Variants in CDS1 observed in about 807,000 individuals in gnomAD.
CDS1 encodes phosphatidate cytidylyltransferase 1.
A neutral mutation model predicts 62.1 loss-of-function variants in CDS1; 41 were observed. That is an observed-to-expected ratio of 0.66 (90% CI 0.51 to 0.86). The LOEUF is 0.86. Among genes scored for constraint, CDS1 ranks in the 40% least tolerant of loss-of-function variants. The pLI is 0.00. For synonymous variants in CDS1, 185 were observed against 192.6 expected, an observed-to-expected ratio of 0.96 and a Z score of 0.32; for missense variants, 470 against 550.1, an observed-to-expected ratio of 0.85 and a Z score of 1.46.
chr4:84,612,662 C>T (rs1299989111), intron 3 of CDS1, among the ~76,000 whole-genome samples: 3 of 151,936 alleles, frequency 2.0e-5, no homozygotes, highest in East Asian at 1.9e-4. Flanking sequence ...TTATTTGCTT[C>T]AATTGGTGAG....
chr4:84,630,625 C>G (rs957988557), intron 5 of CDS1, among the ~76,000 whole-genome samples: 2 of 152,064 alleles, frequency 1.3e-5, no homozygotes, highest in African/African-American at 2.4e-5. Flanking sequence ...CAATTTCTCT[C>G]TTGGAGAACT....
intron 1 of CDS1, among the ~76,000 whole-genome samples, chr4:84,593,520 G>A (rs188289855): frequency 6.7e-6 from 1 of 148,680 alleles, no homozygotes; most frequent in Admixed American, 6.7e-5. Context: ...TTTTTTTCTC[G>A]TTTAGATAGA....
At chr4:84,644,816 C>T (rs1197865111) in intron 11 of CDS1, among the ~76,000 whole-genome samples, 1 of 152,048 alleles carries the variant, frequency 6.6e-6, no homozygotes, top group African/African-American at 2.4e-5. Context: ...TTAGGATAAA[C>T]AAGTTAGAAC....
At chr4:84,594,114 A>G (rs1161975727) in intron 1 of CDS1, among the ~76,000 whole-genome samples, 1 of 152,108 alleles carries the variant, frequency 6.6e-6, no homozygotes, top group East Asian at 1.9e-4. Flanking sequence ...TAGGGGAGTG[A>G]AAACCCTTCT....
At chr4:84,585,845 G>T (rs1722400236) in intron 1 of CDS1, among the ~76,000 whole-genome samples, 1 of 152,136 alleles carries the variant, frequency 6.6e-6, no homozygotes, top group African/African-American at 2.4e-5. Flanking sequence ...AATGACAAGG[G>T]ACATCTTCAA....
chr4:84,619,604 T>G, intron 5 of CDS1, 71 bp downstream of exon 5: 1 of 942,936 alleles, frequency 1.1e-6, no homozygotes. Flanking sequence ...TTTCTGTTAT[T>G]TTAATTAGTA....
At chr4:84,614,454 T>G (rs971019199) in intron 3 of CDS1, among the ~76,000 whole-genome samples, 2 of 150,212 alleles carry the variant, frequency 1.3e-5, no homozygotes, top group East Asian at 3.9e-4. Flanking sequence ...GGTTATGTTC[T>G]TTTTTTTATT....
chr4:84,592,183 A>C (rs1233814801), intron 1 of CDS1, among the ~76,000 whole-genome samples: 6 of 15,916 alleles, frequency 3.8e-4, no homozygotes, highest in Admixed American at 8.2e-4. Context: ...TTTTTTTTTG[A>C]GGCAGAGTCT....
intron 1 of CDS1, among the ~76,000 whole-genome samples, chr4:84,586,796 A>C (rs1722436670): frequency 6.6e-6 from 1 of 152,184 alleles, no homozygotes; most frequent in African/African-American, 2.4e-5. Flanking sequence ...GGAAATTGAG[A>C]GGTGAAATGT....
intron 1 of CDS1, among the ~76,000 whole-genome samples, chr4:84,597,365 C>T (rs1193309255): frequency 6.6e-6 from 1 of 152,156 alleles, no homozygotes; most frequent in Non-Finnish European, 1.5e-5. Context: ...GTTGTGGGAG[C>T]AGTGGCTCAC....
At chr4:84,630,975 T>C (rs1724001601) in intron 5 of CDS1, among the ~76,000 whole-genome samples, 1 of 152,214 alleles carries the variant, frequency 6.6e-6, no homozygotes, top group Non-Finnish European at 1.5e-5. Flanking sequence ...ATTATTTTAG[T>C]ATATGATTAC....
Position 84,645,091 on chromosome 4 carries a change from A to G in CDS1, c.1153-131A>G, listed in dbSNP as rs532803645. ...GCTGGATGTGTTCTAATAAGTTTTT[A>G]TTTAGTGAAAAAAATCCAATAGTAA... On this transcript the variant is annotated intron_variant, in intron 11 of 12. Coordinates refer to ENST00000295887, the MANE Select transcript of CDS1 (RefSeq NM_001263.4). 4 of 654,750 alleles carry G rather than the reference A, an allele frequency of 6.1e-6. No homozygotes were observed. In the South Asian group the frequency reaches 7.1e-5, roughly 12 times the overall value. The allele number at this position is 654,750 out of a possible 1,614,324, so 40.6% of individuals were successfully genotyped here.
chr4:84,619,558 G>T, intron 5 of CDS1, 25 bp downstream of exon 5: 2 of 1,324,886 alleles, frequency 1.5e-6, no homozygotes, highest in South Asian at 1.6e-5. Context: ...ATTCTGTATT[G>T]ATATATAGTT....
chr4:84,621,698 A>G (rs1723692731), intron 5 of CDS1, among the ~76,000 whole-genome samples: 1 of 152,152 alleles, frequency 6.6e-6, no homozygotes. Context: ...AAGTGCTGGG[A>G]TTACAGGCAC....
rs746334891 is a variant in CDS1 at position 84,623,727 on chromosome 4, T to C, written c.580+4194T>C. ...AACAATTTGTTATTTTTGCTCACAGTCCTGCGGATTGGCGGGCTTAACTTA... is the reference window on the plus strand; with the variant it reads ...AACAATTTGTTATTTTTGCTCACAGCCCTGCGGATTGGCGGGCTTAACTTA... On this transcript the variant is annotated intron_variant, in intron 5 of 12. Coordinates refer to ENST00000295887, the MANE Select transcript of CDS1 (RefSeq NM_001263.4). Among the ~76,000 whole-genome samples the C allele has an allele frequency of 3.7e-4, 57 of 152,182 alleles. 1 individual carries two copies. The highest frequency in any genetic ancestry group is 7.8e-4 in the Non-Finnish European group (53 of 68,040).
chr4:84,608,056 G>A lies in CDS1; in HGVS notation c.246-1373G>A, dbSNP rs1452528485. The stretch of plus-strand genomic sequence containing the variant: ...TGTGGCGGTGGTGGGGTGCGGTCGG[G>A]CATGCCAGGCCCTTACAGCGAGGGT... On this transcript the variant is annotated intron_variant, in intron 2 of 12. Transcript: ENST00000295887. 2.6e-5 allele frequency among the ~76,000 whole-genome samples: 4 copies of A among 152,290 alleles called. No individual in the cohort carries two copies. In the East Asian group the frequency reaches 5.8e-4, roughly 22 times the overall value.
intron 6 of CDS1, among the ~76,000 whole-genome samples, chr4:84,632,381 T>G (rs1724049479): frequency 6.6e-6 from 1 of 152,226 alleles, no homozygotes; most frequent in African/African-American, 2.4e-5. Flanking sequence ...AATGTATCAC[T>G]TTACATATGA....
intron 10 of CDS1, among the ~76,000 whole-genome samples, chr4:84,641,216 G>A (rs536088708): frequency 3.7e-4 from 56 of 152,124 alleles, no homozygotes; most frequent in African/African-American, 1.2e-3. Flanking sequence ...ACAGGCGCTC[G>A]CCACCACATC....
At chr4:84,583,631 C>T (rs113914543) in intron 1 of CDS1, 113 bp downstream of exon 1, 21,237 of 601,076 alleles carry the variant, frequency 0.035, 485 homozygotes, top group African/African-American at 0.049. Flanking sequence ...CTGCACGCTG[C>T]CGGTGCACCT....
Sources: gnomAD v4.1 joint callset for allele counts (sites outside exome capture counted in the v4.1 genomes callset) on GRCh38, gnomAD v4.1.1 for gene constraint, MANE v1.5 for transcripts, NCBI Gene and HGNC (gene_info 2026-07-23, HGNC 2026-07-21) for gene names.